SLC9A9: variants seen among roughly 807,000 people sequenced by gnomAD.
The protein encoded by SLC9A9 is solute carrier family 9 member A9, also known as sodium/hydrogen exchanger 9.
In SLC9A9, 62 loss-of-function variants were observed where a neutral mutation model predicts 77.8. The observed-to-expected ratio is 0.80, with a 90% confidence interval of 0.65 to 0.98. SLC9A9 has a LOEUF of 0.98. Among genes scored for constraint, SLC9A9 ranks in the 50% least tolerant of loss-of-function variants. The pLI is 0.00. For missense variants in SLC9A9, 775 were observed against 774.9 expected, an observed-to-expected ratio of 1.00 and a Z score of 0.00; for synonymous variants, 320 against 283.5, an observed-to-expected ratio of 1.13 and a Z score of -1.29.
At chr3:143,615,686 G>A (rs562778049) in intron 6 of SLC9A9, among the ~76,000 whole-genome samples, 10 of 152,110 alleles carry the variant, frequency 6.6e-5, no homozygotes, top group South Asian at 4.2e-4. Flanking sequence ...CATTTGATGC[G>A]TTTTGTTATT....
intron 13 of SLC9A9, among the ~76,000 whole-genome samples, chr3:143,372,529 C>T (rs2033080575): frequency 6.6e-6 from 1 of 151,916 alleles, no homozygotes; most frequent in Non-Finnish European, 1.5e-5. Context: ...AGAAGATAAC[C>T]TAGGAAAAAC....
chr3:143,298,828 A>G (rs2030393409), intron 14 of SLC9A9, among the ~76,000 whole-genome samples: 1 of 152,192 alleles, frequency 6.6e-6, no homozygotes, highest in South Asian at 2.1e-4. Context: ...ATCATTCTAG[A>G]TAGTATGTGT....
At chr3:143,806,259 A>T (rs182624124) in intron 2 of SLC9A9, among the ~76,000 whole-genome samples, 1 of 152,220 alleles carries the variant, frequency 6.6e-6, no homozygotes, top group East Asian at 1.9e-4. Flanking sequence ...GCTGCCTCTC[A>T]AAAGTTACTT....
At chr3:143,312,946 C>G (rs911490407) in intron 14 of SLC9A9, 1 of 152,228 alleles carries the variant, frequency 6.6e-6, no homozygotes. Flanking sequence ...TTTCAAATAT[C>G]CTCCTTCAGG....
At chr3:143,308,633 G>T (rs1246563710) in intron 14 of SLC9A9, among the ~76,000 whole-genome samples, 1 of 151,984 alleles carries the variant, frequency 6.6e-6, no homozygotes, top group African/African-American at 2.4e-5. Context: ...AACTAAGCAT[G>T]GGGCCCTTCT....
chr3:143,464,282 C>T (rs933011023), intron 12 of SLC9A9, among the ~76,000 whole-genome samples: 3 of 152,090 alleles, frequency 2.0e-5, no homozygotes, highest in African/African-American at 7.2e-5. Flanking sequence ...CAAAGCCTTG[C>T]TAAATAGAGT....
intron 5 of SLC9A9, among the ~76,000 whole-genome samples, chr3:143,678,172 T>C (rs1932946553): frequency 6.6e-6 from 1 of 152,212 alleles, no homozygotes; most frequent in African/African-American, 2.4e-5. Context: ...TACTTCCAGA[T>C]TGTCATTTTA....
At chr3:143,722,368 G>A (rs1225878643) in intron 4 of SLC9A9, among the ~76,000 whole-genome samples, 2 of 149,742 alleles carry the variant, frequency 1.3e-5, no homozygotes, top group Admixed American at 1.3e-4. Flanking sequence ...AGTTACCCGA[G>A]AGGCTGAGGC....
intron 6 of SLC9A9, among the ~76,000 whole-genome samples, chr3:143,635,777 A>G (rs2038510919): frequency 6.6e-6 from 1 of 152,204 alleles, no homozygotes; most frequent in Non-Finnish European, 1.5e-5. Flanking sequence ...ATGATGTGCT[A>G]TCAGGTCCGA....
intron 11 of SLC9A9, among the ~76,000 whole-genome samples, chr3:143,473,796 ACT>A (rs1361667293): frequency 6.6e-6 from 1 of 152,134 alleles, no homozygotes; most frequent in African/African-American, 2.4e-5. Context: ...AGAACACAAA[ACT>A]CTGTAAATGC....
At chr3:143,634,909 A>G (rs916512543) in intron 6 of SLC9A9, among the ~76,000 whole-genome samples, 3 of 152,132 alleles carry the variant, frequency 2.0e-5, no homozygotes, top group Non-Finnish European at 2.9e-5. Flanking sequence ...AAATAATTAA[A>G]TAATAGTACA....
intron 5 of SLC9A9, among the ~76,000 whole-genome samples, chr3:143,678,799 A>C (rs765912989): frequency 3.3e-5 from 5 of 152,218 alleles, no homozygotes; most frequent in African/African-American, 4.8e-5. Flanking sequence ...GTTTTCATTG[A>C]AATTACCTTA....
At chr3:143,448,590 GT>G (rs2034889235) in intron 12 of SLC9A9, among the ~76,000 whole-genome samples, 1 of 151,816 alleles carries the variant, frequency 6.6e-6, no homozygotes, top group African/African-American at 2.4e-5. Context: ...CATTGCTGGT[GT>G]TTAAGTTAAT....
chr3:143,390,967 T>G (rs1018288546), intron 12 of SLC9A9, among the ~76,000 whole-genome samples: 1 of 152,156 alleles, frequency 6.6e-6, no homozygotes, highest in Admixed American at 6.5e-5. Flanking sequence ...TTGAACTAGG[T>G]GGAGCCCACC....
At chr3:143,630,075 C>T (rs1050949111) in intron 6 of SLC9A9, among the ~76,000 whole-genome samples, 37 of 152,152 alleles carry the variant, frequency 2.4e-4, no homozygotes, top group East Asian at 2.3e-3. Flanking sequence ...AATTCAACAA[C>T]CATTTATCCT....
intron 14 of SLC9A9, among the ~76,000 whole-genome samples, chr3:143,352,810 G>C (rs1404773964): frequency 6.6e-6 from 1 of 152,276 alleles, no homozygotes; most frequent in Non-Finnish European, 1.5e-5. Flanking sequence ...TGGGTATTTT[G>C]CAGGGCAGCT....
chr3:143,454,974 T>A (rs1482179393), intron 12 of SLC9A9, among the ~76,000 whole-genome samples: 1 of 152,206 alleles, frequency 6.6e-6, no homozygotes, highest in Non-Finnish European at 1.5e-5. Flanking sequence ...AAGGTTCATG[T>A]GATTAAGTCA....
At chr3:143,631,352 T>C (rs1438374959) in intron 6 of SLC9A9, among the ~76,000 whole-genome samples, 1 of 152,202 alleles carries the variant, frequency 6.6e-6, no homozygotes, top group Non-Finnish European at 1.5e-5. Context: ...CTATATCTTA[T>C]ACAGAACTGA....
intron 6 of SLC9A9, among the ~76,000 whole-genome samples, chr3:143,587,214 A>G (rs996987444): frequency 6.6e-5 from 10 of 152,254 alleles, no homozygotes; most frequent in Non-Finnish European, 1.2e-4. Context: ...TCTACTAAGT[A>G]CAGACATTGT....
Sources: gnomAD v4.1 joint callset for allele counts (sites outside exome capture counted in the v4.1 genomes callset) on GRCh38, gnomAD v4.1.1 for gene constraint, MANE v1.5 for transcripts, NCBI Gene and HGNC (gene_info 2026-07-23, HGNC 2026-07-21) for gene names.